RCHY1: variants seen among roughly 807,000 people sequenced by gnomAD.
The protein encoded by RCHY1 is RING finger and CHY zinc finger domain-containing protein 1.
RCHY1 carries 21 observed loss-of-function variants against 41.6 expected under a neutral mutation model. The observed-to-expected ratio is 0.51, with a 90% CI of 0.36 to 0.73. The LOEUF (loss-of-function observed/expected upper bound fraction) is 0.73, where lower values mean the gene tolerates loss of function less well. Among genes scored for constraint, RCHY1 ranks in the 30% least tolerant of loss-of-function variants. The probability of loss-of-function intolerance (pLI) is 0.00; values close to 1 mark genes in which losing one functional copy is unlikely to be tolerated. For synonymous variants in RCHY1, 79 were observed against 102.9 expected, an observed-to-expected ratio of 0.77 and a Z score of 1.41; for missense variants, 265 against 325.3, an observed-to-expected ratio of 0.81 and a Z score of 1.43.
chr4:75,502,197 A>G (rs941695611), intron 3 of RCHY1, among the ~76,000 whole-genome samples: 1 of 152,004 alleles, frequency 6.6e-6, no homozygotes, highest in Admixed American at 6.5e-5. Flanking sequence ...TTTTTAATCA[A>G]TTCTGTTTTA....
At chr4:75,497,235 G>T (rs1008737605) in intron 3 of RCHY1, among the ~76,000 whole-genome samples, 3 of 152,278 alleles carry the variant, frequency 2.0e-5, no homozygotes, top group Middle Eastern at 3.4e-3. Context: ...CATGTGTTCA[G>T]TTGAGCCTAA....
chr4:75,495,326 T>A (rs1723097546), intron 3 of RCHY1, among the ~76,000 whole-genome samples: 1 of 152,012 alleles, frequency 6.6e-6, no homozygotes, highest in Non-Finnish European at 1.5e-5. Context: ...TTCATTTTTA[T>A]ATTTTTCTTT....
At chr4:75,494,363 T>C in intron 3 of RCHY1, 184 bp from the exon 4 acceptor site, 1 of 516,384 alleles carries the variant, frequency 1.9e-6, no homozygotes, top group Non-Finnish European at 3.4e-6. Flanking sequence ...CAGAGTGGTA[T>C]CTACCCTTCT....
rs1721590001 is a variant in RCHY1 at position 75,482,398 on chromosome 4, G to A, written c.*140C>T. 1 of 644,212 alleles carries A rather than the reference G, an allele frequency of 1.6e-6. No individual in the cohort carries two copies. Among genetic ancestry groups the A allele is most frequent in the African/African-American group, 1.9e-5 (1 of 53,336 alleles). The allele number at this position is 644,212 out of a possible 1,614,324, so 39.9% of individuals were successfully genotyped here. On this transcript the variant is annotated 3_prime_UTR_variant, in exon 9 of 9. Coordinates refer to ENST00000324439, the MANE Select transcript of RCHY1 (RefSeq NM_015436.4). ...AGAGACCCTGAATCCTTACGTACTT[G>A]TAATATGATTTTATGCTGTGACACT...
Position 75,514,389 on chromosome 4 carries a change from C to T in RCHY1, c.-103G>A. 1 of 1,330,720 alleles carries T rather than the reference C, an allele frequency of 7.5e-7. No individual in the cohort carries two copies. Among genetic ancestry groups the T allele is most frequent in the African/African-American group, 1.5e-5 (1 of 68,878 alleles). The allele number at this position is 1,330,720 out of a possible 1,614,324, so 82.4% of individuals were successfully genotyped here. A position where few individuals can be genotyped will look rare whatever the true frequency, so the allele number is the denominator to read the frequency against. The stretch of plus-strand genomic sequence containing the variant: ...GCACACCCCTCCCAGCCCCAGCGGC[C>T]ACTAGCGACAATATGGCTCCTAAGC... On this transcript the variant is annotated 5_prime_UTR_variant, in exon 1 of 9. Transcript: ENST00000324439.
At chr4:75,511,300 TCC>T (rs1724849365) in intron 1 of RCHY1, among the ~76,000 whole-genome samples, 1 of 152,208 alleles carries the variant, frequency 6.6e-6, no homozygotes, top group African/African-American at 2.4e-5. Flanking sequence ...TTAAAAAGCT[TCC>T]AACCTCACAA....
chr4:75,500,906 C>T (rs897072609), intron 3 of RCHY1, among the ~76,000 whole-genome samples: 1 of 152,152 alleles, frequency 6.6e-6, no homozygotes, highest in Non-Finnish European at 1.5e-5. Flanking sequence ...TTAATACATT[C>T]AAATAACATG....
chr4:75,512,907 G>C (rs962248197), intron 1 of RCHY1, among the ~76,000 whole-genome samples: 31 of 126,692 alleles, frequency 2.4e-4, no homozygotes, highest in South Asian at 5.0e-4. Flanking sequence ...ATTTAAGGGG[G>C]GGGGGGGGGC....
chr4:75,479,586 T>C lies in RCHY1; in HGVS notation c.*2952A>G, dbSNP rs907174696. 1 of 152,142 alleles carries C rather than the reference T, an allele frequency of 6.6e-6. No individual in the cohort carries two copies. Among genetic ancestry groups the C allele is most frequent in the Non-Finnish European group, 1.5e-5 (1 of 67,980 alleles). The allele number at this position is 152,142 out of a possible 1,614,324, so 9.4% of individuals were successfully genotyped here. ...AAGTTAATTCATAAAGAGTTCTATG[T>C]ACTGGTTAAGAAGACCCCAGAAACT... On this transcript the variant is annotated 3_prime_UTR_variant, in exon 9 of 9. Transcript: ENST00000324439.
intron 7 of RCHY1, 94 bp from the exon 8 acceptor site, chr4:75,490,795 A>C: frequency 1.1e-6 from 1 of 871,796 alleles, no homozygotes; most frequent in Non-Finnish European, 1.7e-6. Flanking sequence ...CACATGAACC[A>C]TTCAAAACAG....
chr4:75,479,502 T>G lies in RCHY1; in HGVS notation c.*3036A>C, dbSNP rs1200289548. 6.6e-6 allele frequency: 1 copy of G among 152,082 alleles called. No homozygotes were observed. The highest frequency in any genetic ancestry group is 1.5e-5 in the Non-Finnish European group (1 of 67,976). The allele number at this position is 152,082 out of a possible 1,614,324, so 9.4% of individuals were successfully genotyped here. ...TAGGTTTTAGTGAAGAAATAAAAAC[T>G]GAGTTTGATTTTAAAATCCATGACA... On this transcript the variant is annotated 3_prime_UTR_variant, in exon 9 of 9. Transcript: ENST00000324439.
chr4:75,490,277 C>T (rs1270479615), intron 8 of RCHY1, among the ~76,000 whole-genome samples: 2 of 151,972 alleles, frequency 1.3e-5, no homozygotes, highest in African/African-American at 4.8e-5. Context: ...AGTGATCCAA[C>T]CCTAGTCAGT....
chr4:75,491,304 T>C lies in RCHY1; in HGVS notation c.536+307A>G. The stretch of plus-strand genomic sequence containing the variant: ...AAATTTTTGGCAATATTTTTCAGCA[T>C]TTTTACAACACTATAACTGCATCTG... On this transcript the variant is annotated intron_variant, in intron 7 of 8. Coordinates refer to ENST00000324439, the MANE Select transcript of RCHY1 (RefSeq NM_015436.4). The C allele has an allele frequency of 8.6e-6, 2 of 233,546 alleles. 1 individual carries two copies. Among genetic ancestry groups the C allele is most frequent in the East Asian group, 1.8e-4 (2 of 11,314 alleles). 14.5% of individuals were successfully genotyped at this position (233,546 alleles called of 1,614,324 possible). A position where few individuals can be genotyped will look rare whatever the true frequency, so the allele number is the denominator to read the frequency against.
In RCHY1 at chr4:75,480,441, T is replaced by C. The variant is rs1437683399; in HGVS notation, c.*2097A>G. On this transcript the variant is annotated 3_prime_UTR_variant, in exon 9 of 9. Transcript: ENST00000324439. ...GGTAAAAGTGGGTTTGGAGTCAAAC[T>C]TGGATCTGATTCCCAACTCCAACAT... is the stretch of plus-strand genomic sequence containing the variant. The C allele has an allele frequency of 6.6e-6, 1 of 152,196 alleles. No individual in the cohort carries two copies. Among genetic ancestry groups the C allele is most frequent in the Non-Finnish European group, 1.5e-5 (1 of 68,036 alleles). The allele number at this position is 152,196 out of a possible 1,614,324, so 9.4% of individuals were successfully genotyped here.
chr4:75,484,017 T>C (rs1028926768), intron 8 of RCHY1, among the ~76,000 whole-genome samples: 4 of 152,196 alleles, frequency 2.6e-5, no homozygotes, highest in African/African-American at 9.6e-5. Context: ...TGCAAGCTAA[T>C]TGCAACCAAA....
At chr4:75,494,258 T>A in intron 3 of RCHY1, 79 bp from the exon 4 acceptor site, 1 of 1,023,570 alleles carries the variant, frequency 9.8e-7, no homozygotes, top group South Asian at 1.5e-5. Context: ...AAAACACAAG[T>A]TTAGTCTCTG....
chr4:75,482,884 CA>C (rs149346537), intron 8 of RCHY1, among the ~76,000 whole-genome samples: 1 of 148,832 alleles, frequency 6.7e-6, no homozygotes. Context: ...CAGATTTGAG[CA>C]AAAAAAAAGC....
At chr4:75,487,680 A>AC (rs1722274025) in intron 8 of RCHY1, among the ~76,000 whole-genome samples, 2 of 42,702 alleles carry the variant, frequency 4.7e-5, no homozygotes, top group African/African-American at 2.2e-4. Flanking sequence ...ATATATTCAT[A>AC]ATATATATAT....
At chr4:75,483,593 T>C (rs577231673) in intron 8 of RCHY1, among the ~76,000 whole-genome samples, 5 of 152,286 alleles carry the variant, frequency 3.3e-5, no homozygotes, top group African/African-American at 9.6e-5. Flanking sequence ...AATATGTGAA[T>C]TGTATCTTAA....
Sources: allele counts gnomAD v4.1 joint callset (sites outside exome capture counted in the v4.1 genomes callset), GRCh38; gene constraint gnomAD v4.1.1; transcripts MANE v1.5; gene names NCBI Gene and HGNC (gene_info 2026-07-23, HGNC 2026-07-21).